The following PALM2AKAP2 variants were observed in gnomAD, a reference collection of about 807,000 sequenced individuals.
PALM2AKAP2 encodes the protein PALM2 and AKAP2 fusion, also known as PALM2-AKAP2 fusion protein.
Under a neutral mutation model 71.5 loss-of-function variants are expected in PALM2AKAP2, and 37 were observed. That is an observed-to-expected ratio of 0.52 (90% CI 0.40 to 0.68). The LOEUF is 0.68. Among genes scored for constraint, PALM2AKAP2 ranks in the 30% least tolerant of loss-of-function variants. The pLI is 0.00. For missense variants in PALM2AKAP2, 1,224 were observed against 1,191.8 expected (o/e 1.03, Z -0.40); for synonymous variants, 468 against 478.8 (o/e 0.98, Z 0.29).
At chr9:110,011,014 A>AAAAAAAAAAAAAATATATATATAT (rs35212981) in intron 6 of PALM2AKAP2, among the ~76,000 whole-genome samples, 2 of 69,582 alleles carry the variant, frequency 2.9e-5, no homozygotes, top group African/African-American at 1.6e-4. Flanking sequence ...AAAAAAAAAA[A>AAAAAAAAAAAAAATATATATATAT]ATATATATAT....
intron 6 of PALM2AKAP2, among the ~76,000 whole-genome samples, chr9:109,992,675 T>C (rs1832506819): frequency 6.6e-6 from 1 of 152,084 alleles, no homozygotes; most frequent in African/African-American, 2.4e-5. Context: ...CCTGGAAGTG[T>C]GCAAATGTAA....
intron 1 of PALM2AKAP2, among the ~76,000 whole-genome samples, chr9:110,085,430 C>T (rs73657342): frequency 0.038 from 5,726 of 151,096 alleles, 355 homozygotes; most frequent in African/African-American, 0.12. Flanking sequence ...GCAGGAAGAC[C>T]CATGGCTGTG....
At chr9:109,790,341 T>C (rs1044418596) in intron 1 of PALM2AKAP2, among the ~76,000 whole-genome samples, 2 of 152,286 alleles carry the variant, frequency 1.3e-5, no homozygotes, top group African/African-American at 2.4e-5. Context: ...GGGTGGGATT[T>C]TTCCCCCCTC....
chr9:109,739,257 T>C (rs972614130), intron 1 of PALM2AKAP2, among the ~76,000 whole-genome samples: 1 of 152,200 alleles, frequency 6.6e-6, no homozygotes, highest in African/African-American at 2.4e-5. Context: ...TGAAATTTAT[T>C]TAAGAAAGTA....
chr9:110,140,321 T>A (rs1348013297), intron 2 of PALM2AKAP2, among the ~76,000 whole-genome samples: 1 of 152,262 alleles, frequency 6.6e-6, no homozygotes, highest in Non-Finnish European at 1.5e-5. Context: ...TTTGAATGCT[T>A]CCTCAATTTC....
At chr9:109,932,300 T>A (rs1490718354) in intron 6 of PALM2AKAP2, among the ~76,000 whole-genome samples, 3 of 152,208 alleles carry the variant, frequency 2.0e-5, no homozygotes, top group South Asian at 2.1e-4. Flanking sequence ...GGTCCTTATA[T>A]CTGTGTTTAT....
upstream of PALM2AKAP2, among the ~76,000 whole-genome samples, chr9:110,047,402 G>A (rs1833621159): frequency 6.6e-6 from 1 of 152,152 alleles, no homozygotes; most frequent in Admixed American, 6.5e-5. Flanking sequence ...TGGGCTTTCT[G>A]GGTAGTTCCC....
intron 1 of PALM2AKAP2, among the ~76,000 whole-genome samples, chr9:109,859,236 G>C (rs1829249473): frequency 6.6e-6 from 1 of 152,144 alleles, no homozygotes; most frequent in Non-Finnish European, 1.5e-5. Context: ...AAACATGAAG[G>C]TAGAAAGTAG....
intron 1 of PALM2AKAP2, among the ~76,000 whole-genome samples, chr9:110,094,304 G>A (rs1834782469): frequency 6.6e-6 from 1 of 152,186 alleles, no homozygotes; most frequent in South Asian, 2.1e-4. Flanking sequence ...CATTTTCTTA[G>A]GATAGTGACC....
At chr9:110,139,109 A>G (rs1040439758) in intron 2 of PALM2AKAP2, among the ~76,000 whole-genome samples, 3 of 152,190 alleles carry the variant, frequency 2.0e-5, no homozygotes, top group Non-Finnish European at 2.9e-5. Flanking sequence ...CAAAGCAACT[A>G]CTTTGGAATC....
intron 5 of PALM2AKAP2, among the ~76,000 whole-genome samples, chr9:109,928,142 G>A (rs548790384): frequency 7.4e-4 from 112 of 152,194 alleles, no homozygotes; most frequent in Non-Finnish European, 1.2e-3. Flanking sequence ...CACTCTTGTC[G>A]CCCAGGCTGG....
chr9:109,730,704 A>T (rs1436597232), intron 1 of PALM2AKAP2, among the ~76,000 whole-genome samples: 1 of 152,194 alleles, frequency 6.6e-6, no homozygotes, highest in Non-Finnish European at 1.5e-5. Flanking sequence ...AGTTTAGGAT[A>T]TGAATAAGAA....
chr9:109,867,312 G>C, intron 1 of PALM2AKAP2, 179 bp from the exon 2 acceptor site: 1 of 605,274 alleles, frequency 1.7e-6, no homozygotes, highest in Non-Finnish European at 2.9e-6. Context: ...GACATGTTAG[G>C]AGAATGCTGC....
chr9:110,154,359 A>G (rs1275263021), intron 2 of PALM2AKAP2, among the ~76,000 whole-genome samples: 1 of 152,190 alleles, frequency 6.6e-6, no homozygotes, highest in African/African-American at 2.4e-5. Flanking sequence ...TTACACGCTC[A>G]CCACTGTGCT....
exon 2 of PALM2AKAP2, chr9:110,136,510 C>A: frequency 6.2e-7 from 1 of 1,613,748 alleles, no homozygotes; most frequent in South Asian, 1.1e-5. Flanking sequence ...GCGGCCTAAG[C>A]CCCCCTGTCC....
intron 3 of PALM2AKAP2, among the ~76,000 whole-genome samples, chr9:109,881,742 G>C (rs1445009274): frequency 6.6e-6 from 1 of 152,114 alleles, no homozygotes; most frequent in Non-Finnish European, 1.5e-5. Context: ...TAGCCAGAGA[G>C]ATATGAGATA....
intron 2 of PALM2AKAP2, among the ~76,000 whole-genome samples, chr9:110,138,889 C>T (rs1835962159): frequency 6.6e-6 from 1 of 152,132 alleles, no homozygotes; most frequent in Non-Finnish European, 1.5e-5. Flanking sequence ...CAGAGTGGAC[C>T]CATGTGTGGA....
chr9:109,860,627 A>G (rs1587966800), intron 1 of PALM2AKAP2, among the ~76,000 whole-genome samples: 1 of 152,182 alleles, frequency 6.6e-6, no homozygotes. Context: ...CCTGGCCTTA[A>G]TATCTCAGCC....
chr9:109,968,372 A>G (rs1831996842), intron 6 of PALM2AKAP2, among the ~76,000 whole-genome samples: 1 of 152,190 alleles, frequency 6.6e-6, no homozygotes, highest in Non-Finnish European at 1.5e-5. Flanking sequence ...AACAAGAGCT[A>G]TTTTGATTAT....
Sources: allele counts gnomAD v4.1 joint callset (sites outside exome capture counted in the v4.1 genomes callset), GRCh38; gene constraint gnomAD v4.1.1; transcripts MANE v1.5; gene names NCBI Gene and HGNC (gene_info 2026-07-23, HGNC 2026-07-21).